DNMT3A: variants seen among roughly 807,000 people sequenced by gnomAD.
DNMT3A encodes DNA (cytosine-5)-methyltransferase 3A.
Under a neutral mutation model 117.6 loss-of-function variants are expected in DNMT3A, and 267 were observed. The ratio of observed to expected loss-of-function variants is 2.27; its 90% confidence interval spans 2.05 to 2.51. DNMT3A has a LOEUF of 2.51. Ranked by LOEUF, DNMT3A falls within the 30% of genes most tolerant of loss-of-function variation. The probability of loss-of-function intolerance (pLI) is 0.00; values close to 1 mark genes in which losing one functional copy is unlikely to be tolerated. For missense variants in DNMT3A, 1,029 were observed against 1,260.2 expected (o/e 0.82, Z 2.78); for synonymous variants, 432 against 474.8 (o/e 0.91, Z 1.17).
rs2033127047 is a variant in DNMT3A, at chr2:25,296,977, A to G, written c.177+3162T>C. On this transcript the variant is annotated intron_variant, in intron 3 of 22. Transcript: ENST00000321117. The surrounding 1 kb of genome is among the most constrained non-coding windows in gnomAD (Gnocchi z 4.2). ...AGGACCTGAGCCAAGCTCCTTCCCCAGGCTTAGCTGGATGACACACTCAGC... is the reference window on the plus strand; with the variant it reads ...AGGACCTGAGCCAAGCTCCTTCCCCGGGCTTAGCTGGATGACACACTCAGC... Among the ~76,000 whole-genome samples the G allele has an allele frequency of 6.6e-6, 1 of 152,130 alleles. No individual in the cohort carries two copies. The highest frequency in any genetic ancestry group is 2.4e-5 in the African/African-American group (1 of 41,428).
intron 2 of DNMT3A, 34 bp from the exon 3 acceptor site, chr2:25,300,277 G>A (rs1436812116): frequency 1.3e-6 from 2 of 1,597,852 alleles, no homozygotes; most frequent in Non-Finnish European, 1.7e-6. Context: ...GAGGCCAGAG[G>A]TGGATCCCAG....
Position 25,239,112 on chromosome 2 carries a change from C to T in DNMT3A, c.2408+18G>A. 2 of 1,612,906 alleles carry T rather than the reference C, an allele frequency of 1.2e-6. No individual in the cohort carries two copies. Among genetic ancestry groups the T allele is most frequent in the Non-Finnish European group, 1.7e-6 (2 of 1,179,250 alleles). ...AGTCCCAGCCCACAGCCCCCCAGGC[C>T]CAGGAGCTTTCACCAACCTGTTCAT... On this transcript the variant is annotated intron_variant, in intron 20 of 22. Transcript: ENST00000321117.
chr2:25,233,683 C>G lies in DNMT3A; in HGVS notation c.*596G>C, dbSNP rs1245033722. The G allele has an allele frequency of 1.3e-5, 3 of 228,252 alleles. No individual in the cohort carries two copies. The highest frequency in any genetic ancestry group is 2.6e-5 in the Non-Finnish European group (3 of 116,272). 14.1% of individuals were successfully genotyped at this position (228,252 alleles called of 1,614,324 possible). A position where few individuals can be genotyped will look rare whatever the true frequency, so the allele number is the denominator to read the frequency against. The stretch of plus-strand genomic sequence containing the variant: ...CTCAGTGGCTGGGAGGGAATGCTGC[C>G]GCCTGAGTGTCTCTCTCTTTCCGTC... On this transcript the variant is annotated 3_prime_UTR_variant, in exon 23 of 23. Transcript: ENST00000321117.
At position 25,244,240 on chromosome 2, in the gene DNMT3A, T is replaced by C. The variant is rs1324043719; in HGVS notation, c.1766A>G (p.Lys589Arg). 1 of 1,614,014 alleles carries C rather than the reference T, an allele frequency of 6.2e-7. No homozygotes were observed. Among genetic ancestry groups the C allele is most frequent in the Non-Finnish European group, 8.5e-7 (1 of 1,180,004 alleles). Residue 589 changes from lysine to arginine, a missense_variant, in exon 15 of 23, where the codon AAG becomes AGG. Transcript: ENST00000321117. ...CCGCCGCAGCAGCCCGTAGGTACCCTTGTGCCCGCACATGTAGCAGTTCCA... is the reference window on the plus strand; with the variant it reads ...CCGCCGCAGCAGCCCGTAGGTACCCCTGTGCCCGCACATGTAGCAGTTCCA... ...DPWNCYMCGHKGTYGLLRRRE... is the reference protein window; with the variant it reads ...DPWNCYMCGHRGTYGLLRRRE...
chr2:25,268,000 G>A (rs1029803333), intron 6 of DNMT3A, among the ~76,000 whole-genome samples: 15 of 152,122 alleles, frequency 9.9e-5, no homozygotes, highest in Admixed American at 7.9e-4. Flanking sequence ...CCTTTCTTAA[G>A]GCAGTATTTG....
Position 25,247,824 on chromosome 2 carries a change from C to G in DNMT3A, c.856-75G>C. The G allele has an allele frequency of 6.4e-7, 1 of 1,573,482 alleles. No individual in the cohort carries two copies. Among genetic ancestry groups the G allele is most frequent in the East Asian group, 2.3e-5 (1 of 43,378 alleles). On this transcript the variant is annotated intron_variant, in intron 7 of 22. Coordinates refer to ENST00000321117, the MANE Select transcript of DNMT3A (RefSeq NM_022552.5). This position sits in a 1 kb window ranked among gnomAD's most constrained non-coding sequence, Gnocchi z 5.6. Reference sequence around the variant, plus strand: ...CCACCCTGATCCCCCCATGGCAACCCCAGCCCTGGGCATCTGGGGGGCAGG... The same window carrying G: ...CCACCCTGATCCCCCCATGGCAACCGCAGCCCTGGGCATCTGGGGGGCAGG...
intron 1 of DNMT3A, among the ~76,000 whole-genome samples, chr2:25,332,074 G>A (rs2035033707): frequency 6.6e-6 from 1 of 152,182 alleles, no homozygotes; most frequent in East Asian, 1.9e-4. Context: ...TGCTGCCCCG[G>A]ACTTCTGTGC....
chr2:25,228,792 G>A lies in DNMT3A; in HGVS notation c.*5487C>T, dbSNP rs1392535513. On this transcript the variant is annotated 3_prime_UTR_variant, in exon 23 of 23. Transcript: ENST00000321117. ...TTTTTGTTGTCTGTTGAATTCTAGG[G>A]CTGTGCAACCAAATCGGTCTGTGAA... 6.6e-6 allele frequency: 1 copy of A among 152,168 alleles called. No homozygotes were observed. Among genetic ancestry groups the A allele is most frequent in the Admixed American group, 6.5e-5 (1 of 15,276 alleles). 9.4% of individuals were successfully genotyped at this position (152,168 alleles called of 1,614,324 possible).
rs115742335 is a variant in DNMT3A, at chr2:25,246,891, C to T, written c.1123-115G>A. 2,241 of 1,524,194 alleles carry T rather than the reference C, an allele frequency of 1.5e-3. 5 individuals carry two copies. Among genetic ancestry groups the T allele is most frequent in the Middle Eastern group, 3.9e-3 (20 of 5,112 alleles). The allele number at this position is 1,524,194 out of a possible 1,614,324, so 94.4% of individuals were successfully genotyped here. A position where few individuals can be genotyped will look rare whatever the true frequency, so the allele number is the denominator to read the frequency against. On this transcript the variant is annotated intron_variant, in intron 9 of 22. Coordinates refer to ENST00000321117, the MANE Select transcript of DNMT3A (RefSeq NM_022552.5). ...TGGCACAGGCAAGATGGGGAGGAAC[C>T]GCTGAGGAGGAGCGGGATGTGCATA...
intron 12 of DNMT3A, 38 bp from the exon 13 acceptor site, chr2:25,245,370 G>A (rs369069003): frequency 4.9e-5 from 77 of 1,585,246 alleles, no homozygotes; most frequent in African/African-American, 6.7e-5. Flanking sequence ...GAGTACCACC[G>A]AAGGGCCTCT....
chr2:25,244,590 G>C lies in DNMT3A; in HGVS notation c.1617C>G (p.Ile539Met). The change falls in exon 14 of 23, where the codon ATC becomes ATG. Residue 539 changes from isoleucine (I) to methionine (M), a missense_variant. Coordinates refer to ENST00000321117, the MANE Select transcript of DNMT3A (RefSeq NM_022552.5). The stretch of plus-strand genomic sequence containing the variant: ...TGAGCACCTCACGGCCCCCACAGCA[G>C]ATGGTGCAGTAGGACTGGTAGCCGT... The part of the protein sequence containing the change: ...DDDGYQSYCT[I>M]CCGGREVLMC... The C allele has an allele frequency of 6.2e-7, 1 of 1,614,226 alleles. No homozygotes were observed. The highest frequency in any genetic ancestry group is 8.5e-7 in the Non-Finnish European group (1 of 1,180,012).
chr2:25,250,045 T>G (rs927780540), intron 6 of DNMT3A, among the ~76,000 whole-genome samples: 1 of 152,116 alleles, frequency 6.6e-6, no homozygotes, highest in Non-Finnish European at 1.5e-5. Context: ...GAGCAGTCCT[T>G]TCTAGGAGTT....
chr2:25,254,150 G>A lies in DNMT3A; in HGVS notation c.640-5898C>T, dbSNP rs1384557111. 4.6e-5 allele frequency among the ~76,000 whole-genome samples: 7 copies of A among 151,350 alleles called. No homozygotes were observed. The highest frequency in any genetic ancestry group is 1.9e-4 in the East Asian group (1 of 5,146). On this transcript the variant is annotated intron_variant, in intron 6 of 22. Coordinates refer to ENST00000321117, the MANE Select transcript of DNMT3A (RefSeq NM_022552.5). The surrounding 1 kb of genome is among the most constrained non-coding windows in gnomAD (Gnocchi z 4.7). ...CTTAAACAAGTCACTTAACCCCCAA[G>A]AAATCTGTTGTCTCATCTGCAAAAC...
At chr2:25,246,494 C>G in intron 10 of DNMT3A, 126 bp downstream of exon 10, 1 of 1,461,290 alleles carries the variant, frequency 6.8e-7, no homozygotes. Context: ...CAAGAGAGAC[C>G]CCGGCTGTTC....
chr2:25,256,923 G>A (rs553896324), intron 6 of DNMT3A, among the ~76,000 whole-genome samples: 1 of 152,310 alleles, frequency 6.6e-6, no homozygotes, highest in South Asian at 2.1e-4. Flanking sequence ...CTTGCCCATA[G>A]TAGAGGATTA....
chr2:25,244,582 C>A lies in DNMT3A; in HGVS notation c.1625G>T (p.Gly542Val), dbSNP rs755631209. Residue 542 changes from glycine (G) to valine (V), a missense_variant, in exon 14 of 23, where the codon GGG (glycine) becomes GTG (valine). Physicochemically the swap from Gly to Val is moderately radical, Grantham distance 109 (BLOSUM62 -3). Transcript: ENST00000321117. ...TCCGCACATGAGCACCTCACGGCCCCCACAGCAGATGGTGCAGTAGGACTG... is the reference window on the plus strand; with the variant it reads ...TCCGCACATGAGCACCTCACGGCCCACACAGCAGATGGTGCAGTAGGACTG... ...GYQSYCTICC[G>V]GREVLMCGNN... 2 of 1,614,194 alleles carry A rather than the reference C, an allele frequency of 1.2e-6. No individual in the cohort carries two copies. Among genetic ancestry groups the A allele is most frequent in the Admixed American group, 1.7e-5 (1 of 60,026 alleles).
chr2:25,274,332 C>A (rs928359919), intron 6 of DNMT3A, among the ~76,000 whole-genome samples: 1 of 152,230 alleles, frequency 6.6e-6, no homozygotes, highest in Non-Finnish European at 1.5e-5. Flanking sequence ...CCTTCCTGTG[C>A]ACAGAAACCT....
chr2:25,250,173 T>C (rs1189999336), intron 6 of DNMT3A, among the ~76,000 whole-genome samples: 1 of 152,214 alleles, frequency 6.6e-6, no homozygotes, highest in Non-Finnish European at 1.5e-5. Context: ...AGCCTGTCAA[T>C]GGACCCCCCA....
Position 25,327,605 on chromosome 2 carries a change from G to A in DNMT3A, c.-177-13444C>T, listed in dbSNP as rs543941854. ...GGGAGTCTTGATCCCACTTCTGCAC[G>A]GTGGGTGCTCCTCAAAGGTCATGTT... is the stretch of plus-strand genomic sequence containing the variant. On this transcript the variant is annotated intron_variant, in intron 1 of 22. Coordinates refer to ENST00000321117, the MANE Select transcript of DNMT3A (RefSeq NM_022552.5). This position sits in a 1 kb window ranked among gnomAD's most constrained non-coding sequence, Gnocchi z 4.1. Among the ~76,000 whole-genome samples, 7 of 152,258 alleles carry A rather than the reference G, an allele frequency of 4.6e-5. No individual in the cohort carries two copies. The South Asian group carries it at 1.0e-3, about 23-fold the overall frequency.
Sources: allele counts gnomAD v4.1 joint callset (sites outside exome capture counted in the v4.1 genomes callset), GRCh38; gene constraint gnomAD v4.1.1; non-coding constraint Gnocchi (gnomAD v3.1); transcripts MANE v1.5; gene names NCBI Gene and HGNC (gene_info 2026-07-23, HGNC 2026-07-21).